The following ATP10A variants were observed in gnomAD, a reference collection of about 807,000 sequenced individuals.
The protein encoded by ATP10A is ATPase phospholipid transporting 10A (putative).
Under a neutral mutation model 147.8 loss-of-function variants are expected in ATP10A, and 111 were observed. The observed-to-expected ratio is 0.75, with a 90% CI of 0.64 to 0.88. The LOEUF is 0.88. Among genes scored for constraint, ATP10A ranks in the 40% least tolerant of loss-of-function variants. The pLI, the probability that ATP10A is intolerant of heterozygous loss-of-function variation, is 0.00. For synonymous variants in ATP10A, 875 were observed against 841.6 expected, an observed-to-expected ratio of 1.04 and a Z score of -0.69; for missense variants, 1,927 against 1,959.0, an observed-to-expected ratio of 0.98 and a Z score of 0.31.
intron 1 of ATP10A, among the ~76,000 whole-genome samples, chr15:25,788,691 G>C (rs542816372): frequency 6.6e-6 from 1 of 152,212 alleles, no homozygotes; most frequent in Non-Finnish European, 1.5e-5. Flanking sequence ...TAAAACAAGA[G>C]CTGTTACTTT....
intron 1 of ATP10A, chr15:25,862,100 G>A (rs564459375): frequency 1.5e-4 from 52 of 345,888 alleles, no homozygotes; most frequent in African/African-American, 1.1e-3. Context: ...GGCTCACAGT[G>A]GAGGATGGAC....
rs140056195 is a variant in ATP10A at position 25,718,309 on chromosome 15, C to T, written c.1454G>A (p.Gly485Asp). The change falls in exon 8 of 21, where the codon GGC becomes GAC. Residue 485 changes from glycine to aspartate, a missense_variant. By Grantham distance (94) the Gly-to-Asp change is moderately conservative (BLOSUM62 -1). Coordinates refer to ENST00000555815, the MANE Select transcript of ATP10A (RefSeq NM_024490.4). ...GGSVSQRGSIGSHQSVRVVHR... is the reference protein window; with the variant it reads ...GGSVSQRGSIDSHQSVRVVHR... ...CACCACCCGGACACTCTGGTGGCTG[C>T]CGATGCTGCCGCGCTGGGACACCGA... 525 of 1,611,186 alleles carry T rather than the reference C, an allele frequency of 3.3e-4. No homozygotes were observed. Among genetic ancestry groups the T allele is most frequent in the Non-Finnish European group, 4.0e-4 (475 of 1,179,776 alleles).
At position 25,691,753 on chromosome 15, in the gene ATP10A, C is replaced by T. The variant is rs1900049319; in HGVS notation, c.3127G>A (p.Asp1043Asn). 6.2e-7 allele frequency: 1 copy of T among 1,614,134 alleles called. No homozygotes were observed. Among genetic ancestry groups the T allele is most frequent in the African/African-American group, 1.3e-5 (1 of 74,954 alleles). ...TGGCCGGAGATTCCCACACCCACAT[C>T]TGCCACCTGGATCATGCTGACATCA... ...ANDVSMIQVA[D>N]VGVGISGQEG... The change falls in exon 15 of 21, where the codon GAT (aspartate) becomes AAT (asparagine). Residue 1043 changes from aspartate to asparagine, a missense_variant. Physicochemically the swap from Asp to Asn is conservative, Grantham distance 23. Transcript: ENST00000555815.
At chr15:25,780,593 G>A (rs766380913) in intron 2 of ATP10A, among the ~76,000 whole-genome samples, 3 of 152,156 alleles carry the variant, frequency 2.0e-5, no homozygotes, top group South Asian at 2.1e-4. Flanking sequence ...ATTCAGCTAC[G>A]AAGACCTCGC....
chr15:25,863,030 T>C lies in ATP10A; in HGVS notation c.67A>G (p.Arg23Gly). 7.7e-7 allele frequency: 1 copy of C among 1,292,466 alleles called. No individual in the cohort carries two copies. The highest frequency in any genetic ancestry group is 9.7e-7 in the Non-Finnish European group (1 of 1,025,850). 80.1% of individuals were successfully genotyped at this position (1,292,466 alleles called of 1,614,324 possible). The change falls in exon 1 of 21, where the codon AGG becomes GGG. Residue 23 changes from arginine (R) to glycine (G), a missense_variant. Arg to Gly is a moderately radical substitution (Grantham distance 125). Coordinates refer to ENST00000555815, the MANE Select transcript of ATP10A (RefSeq NM_024490.4). ...AGGTTGGAGCGCACCGTGCGCGTCCTGCCCTCTCGGCGCCTCCGCCGTCCC... is the reference window on the plus strand; with the variant it reads ...AGGTTGGAGCGCACCGTGCGCGTCCCGCCCTCTCGGCGCCTCCGCCGTCCC... ...PPGRRRRREG[R>G]TRTVRSNLLP...
At chr15:25,692,343 T>C (rs1055778523) in intron 14 of ATP10A, among the ~76,000 whole-genome samples, 1 of 152,138 alleles carries the variant, frequency 6.6e-6, no homozygotes. Context: ...AATTTGTTGA[T>C]AGAAAATGTT....
chr15:25,782,989 G>A (rs1179065816), intron 1 of ATP10A, among the ~76,000 whole-genome samples: 2 of 151,712 alleles, frequency 1.3e-5, no homozygotes, highest in African/African-American at 2.4e-5. Context: ...AGACAACATA[G>A]TGAGACCCCC....
chr15:25,791,727 C>T (rs1157369203), intron 1 of ATP10A, among the ~76,000 whole-genome samples: 2 of 152,136 alleles, frequency 1.3e-5, no homozygotes, highest in African/African-American at 2.4e-5. Flanking sequence ...CTCTTCTTGA[C>T]CACGAAACCT....
downstream of ATP10A, among the ~76,000 whole-genome samples, chr15:25,674,235 G>A (rs73361124): frequency 0.01 from 1,579 of 152,328 alleles, 32 homozygotes; most frequent in African/African-American, 0.036. Flanking sequence ...CCCATGCACC[G>A]TGGGGTCAGG....
chr15:25,706,709 A>T lies in ATP10A; in HGVS notation c.2575+1267T>A, dbSNP rs113860835. 4.7e-3 allele frequency among the ~76,000 whole-genome samples: 711 copies of T among 152,342 alleles called. 9 individuals are homozygous for T. Among genetic ancestry groups the T allele is most frequent in the African/African-American group, 0.016 (678 of 41,576 alleles). ...ATTACTCCAGGGGGCGGAACCAGCA[A>T]GCACTGTGAAATGGCACCGGAGGGC... On this transcript the variant is annotated intron_variant, in intron 12 of 20. Transcript: ENST00000555815.
At chr15:25,717,697 C>T (rs1044319414) in intron 8 of ATP10A, among the ~76,000 whole-genome samples, 3 of 151,314 alleles carry the variant, frequency 2.0e-5, no homozygotes, top group Middle Eastern at 3.4e-3. Context: ...ATTGGTAAAA[C>T]ATTTCAGAAG....
chr15:25,852,802 C>T (rs1893352787), intron 1 of ATP10A, among the ~76,000 whole-genome samples: 1 of 152,122 alleles, frequency 6.6e-6, no homozygotes, highest in African/African-American at 2.4e-5. Flanking sequence ...ACAATCATCC[C>T]CACTTCCCAT....
At chr15:25,681,128 G>A (rs1470277637) in intron 17 of ATP10A, 54 bp from the exon 18 acceptor site, 5 of 1,545,202 alleles carry the variant, frequency 3.2e-6, no homozygotes, top group Non-Finnish European at 4.4e-6. Context: ...CATCCTCTGT[G>A]AAAGCAGTTA....
chr15:25,709,854 GA>G (rs1567319911), intron 10 of ATP10A: 1 of 152,274 alleles, frequency 6.6e-6, no homozygotes, highest in African/African-American at 2.4e-5. Context: ...GCGGAATACC[GA>G]GGCTGGGCTT....
intron 1 of ATP10A, among the ~76,000 whole-genome samples, chr15:25,818,091 G>C (rs531235742): frequency 7.5e-6 from 1 of 133,956 alleles, no homozygotes; most frequent in South Asian, 2.4e-4. Flanking sequence ...TTTAAAAAAA[G>C]CAATTTGCAT....
chr15:25,717,469 A>G (rs1015518537), intron 8 of ATP10A, among the ~76,000 whole-genome samples: 1 of 152,202 alleles, frequency 6.6e-6, no homozygotes, highest in Non-Finnish European at 1.5e-5. Context: ...CTCTTGACTC[A>G]TACTGAAAAA....
chr15:25,794,676 C>G (rs1038028703), intron 1 of ATP10A, among the ~76,000 whole-genome samples: 4 of 152,202 alleles, frequency 2.6e-5, no homozygotes, highest in Non-Finnish European at 5.9e-5. Flanking sequence ...AGCAGCAGTG[C>G]CCTCGCGAAA....
intron 3 of ATP10A, among the ~76,000 whole-genome samples, chr15:25,735,148 G>T (rs938102961): frequency 2.6e-5 from 4 of 152,136 alleles, no homozygotes; most frequent in African/African-American, 7.2e-5. Context: ...GCAGGCGAGA[G>T]GGCTGAGCCC....
chr15:25,855,132 G>C (rs1893458252), intron 1 of ATP10A, among the ~76,000 whole-genome samples: 1 of 150,114 alleles, frequency 6.7e-6, no homozygotes, highest in African/African-American at 2.5e-5. Context: ...CATTCTATGA[G>C]ACCAGTATAG....
Sources: allele counts gnomAD v4.1 joint callset (sites outside exome capture counted in the v4.1 genomes callset), GRCh38; gene constraint gnomAD v4.1.1; transcripts MANE v1.5; gene names NCBI Gene and HGNC (gene_info 2026-07-23, HGNC 2026-07-21).